ADAMTS12: variants seen among roughly 807,000 people sequenced by gnomAD.
ADAMTS12 encodes the protein ADAM metallopeptidase with thrombospondin type 1 motif 12, also known as A disintegrin and metalloproteinase with thrombospondin motifs 12.
In ADAMTS12, 118 loss-of-function variants were observed where a neutral mutation model predicts 167.8. The observed-to-expected ratio is 0.70, with a 90% CI of 0.61 to 0.82. The LOEUF (loss-of-function observed/expected upper bound fraction) is 0.82, where lower values mean the gene tolerates loss of function less well. ADAMTS12 is among the 40% of genes least tolerant of loss of function. ADAMTS12 has a pLI of 0.00. For missense variants in ADAMTS12, 1,916 were observed against 1,998.8 expected (o/e 0.96, Z 0.79); for synonymous variants, 704 against 716.9 (o/e 0.98, Z 0.29).
chr5:33,553,453 T>TA lies in ADAMTS12; in HGVS notation c.4126-4071_4126-4070insT, dbSNP rs545650313. On this transcript the variant is annotated intron_variant, in intron 20 of 23. Coordinates refer to ENST00000504830, the MANE Select transcript of ADAMTS12 (RefSeq NM_030955.4). ...GGCACTATTCACAATAGCAAAGACA[T>TA]GGAATCAACCTAAATGCCCATCAAT... is the stretch of plus-strand genomic sequence containing the variant. Among the ~76,000 whole-genome samples the TA allele has an allele frequency of 5.4e-3, 825 of 152,272 alleles. 4 individuals are homozygous for TA. Among genetic ancestry groups the TA allele is most frequent in the Non-Finnish European group, 7.2e-3 (493 of 68,016 alleles).
At chr5:33,645,925 T>C (rs1329382324) in intron 9 of ADAMTS12, among the ~76,000 whole-genome samples, 2 of 152,088 alleles carry the variant, frequency 1.3e-5, no homozygotes, top group East Asian at 1.9e-4. Flanking sequence ...GATAGTCTAG[T>C]AAACAAAAAC....
At position 33,595,955 on chromosome 5, in the gene ADAMTS12, T is replaced by C. The variant is rs1747904351; in HGVS notation, c.2633A>G (p.His878Arg). 1 of 1,614,054 alleles carries C rather than the reference T, an allele frequency of 6.2e-7. No individual in the cohort carries two copies. The highest frequency in any genetic ancestry group is 8.5e-7 in the Non-Finnish European group (1 of 1,179,980). The change falls in exon 17 of 24, where the codon CAT becomes CGT. Residue 878 changes from histidine (H) to arginine (R), a missense_variant. Coordinates refer to ENST00000504830, the MANE Select transcript of ADAMTS12 (RefSeq NM_030955.4). ...TQPNGRQKKC[H>R]EKACPPRWWA... ...TTACCTGGGTGGACAAGCCTTTTCA[T>C]GGCACTTCTTCTGTCTCCCATTGGG...
intron 3 of ADAMTS12, among the ~76,000 whole-genome samples, chr5:33,746,580 G>T (rs191166352): frequency 2.5e-4 from 38 of 152,200 alleles, no homozygotes; most frequent in African/African-American, 9.2e-4. Context: ...AAAGAAAGAA[G>T]AAATCCTCAG....
intron 3 of ADAMTS12, among the ~76,000 whole-genome samples, chr5:33,714,494 G>C (rs527604251): frequency 6.6e-6 from 1 of 151,992 alleles, no homozygotes; most frequent in Non-Finnish European, 1.5e-5. Flanking sequence ...AGGGATGCCT[G>C]CACCCCATGT....
rs1242852492 is a variant in ADAMTS12, at chr5:33,576,517, T to C, written c.3509A>G (p.Asp1170Gly). ...GGTCCATATTACAGGATTGCTTTCA[T>C]CTTTGTCCTCAGGCTGTTCTCTTTC... ...GEEREQPEDK[D>G]ESNPVIWTKI... is the part of the protein sequence containing the mutation. Residue 1170 changes from aspartate to glycine, a missense_variant, in exon 19 of 24, where the codon GAT becomes GGT. Transcript: ENST00000504830. 6.2e-6 allele frequency: 10 copies of C among 1,612,302 alleles called. No individual in the cohort carries two copies. Among genetic ancestry groups the C allele is most frequent in the South Asian group, 4.4e-5 (4 of 90,676 alleles).
intron 22 of ADAMTS12, among the ~76,000 whole-genome samples, chr5:33,543,747 C>A (rs764327046): frequency 6.6e-6 from 1 of 152,086 alleles, no homozygotes; most frequent in Admixed American, 6.6e-5. Flanking sequence ...ATAAACAGAA[C>A]CAACAACAAA....
intron 3 of ADAMTS12, among the ~76,000 whole-genome samples, chr5:33,721,630 T>C (rs1402856704): frequency 6.6e-6 from 1 of 152,234 alleles, no homozygotes; most frequent in African/African-American, 2.4e-5. Context: ...CAGAAGATAT[T>C]GCTGAGCTGG....
intron 19 of ADAMTS12, among the ~76,000 whole-genome samples, chr5:33,572,497 C>T (rs1188557847): frequency 6.6e-6 from 1 of 150,476 alleles, no homozygotes; most frequent in African/African-American, 2.5e-5. Flanking sequence ...AAGACAAAAA[C>T]CACATGACTA....
intron 2 of ADAMTS12, among the ~76,000 whole-genome samples, chr5:33,848,527 A>T (rs1408685588): frequency 1.3e-5 from 2 of 152,188 alleles, no homozygotes; most frequent in African/African-American, 2.4e-5. Flanking sequence ...CATCATGAGA[A>T]ATGTTTCTCT....
chr5:33,617,418 G>T (rs1322256524), intron 14 of ADAMTS12, among the ~76,000 whole-genome samples: 1 of 152,088 alleles, frequency 6.6e-6, no homozygotes, highest in African/African-American at 2.4e-5. Flanking sequence ...TGTCCAGCAA[G>T]AATAATTTGC....
intron 3 of ADAMTS12, among the ~76,000 whole-genome samples, chr5:33,697,652 A>T (rs1419937133): frequency 6.6e-6 from 1 of 152,188 alleles, no homozygotes; most frequent in African/African-American, 2.4e-5. Flanking sequence ...ACCAGCTCAC[A>T]TTCCTTTCCT....
intron 2 of ADAMTS12, among the ~76,000 whole-genome samples, chr5:33,765,825 T>C (rs982272096): frequency 6.6e-6 from 1 of 152,236 alleles, no homozygotes; most frequent in African/African-American, 2.4e-5. Flanking sequence ...TGGTTATCTC[T>C]ATGTGACACA....
intron 17 of ADAMTS12, among the ~76,000 whole-genome samples, chr5:33,593,748 G>C (rs189857834): frequency 5.0e-4 from 76 of 152,248 alleles, no homozygotes; most frequent in African/African-American, 1.8e-3. Context: ...TTAAAACCTA[G>C]ATGATGGGTT....
chr5:33,875,941 TTAA>T (rs1750210489), intron 2 of ADAMTS12, among the ~76,000 whole-genome samples: 2 of 152,090 alleles, frequency 1.3e-5, no homozygotes, highest in African/African-American at 4.8e-5. Flanking sequence ...CATCTTAGGG[TTAA>T]TAAGACAGTT....
At chr5:33,542,595 T>C (rs1744761243) in intron 22 of ADAMTS12, among the ~76,000 whole-genome samples, 1 of 152,166 alleles carries the variant, frequency 6.6e-6, no homozygotes, top group Admixed American at 6.5e-5. Flanking sequence ...TATTCTAAAA[T>C]TGAACACATA....
rs774857345 is a variant in ADAMTS12 at position 33,527,340 on chromosome 5, A to G, written c.4633T>C (p.Ser1545Pro). The change falls in exon 24 of 24, where the codon TCA becomes CCA. Residue 1545 changes from serine (S) to proline (P), a missense_variant. By Grantham distance (74) the Ser-to-Pro change is moderately conservative. Coordinates refer to ENST00000504830, the MANE Select transcript of ADAMTS12 (RefSeq NM_030955.4). ...TTCAGTGTCTGGCAGAAACTGGCTG[A>G]CAGTTTGTCCTTAGTGCAAAGTAAA... ...ADLLCTKDKLSASFCQTLKAM... is the reference protein window; with the variant it reads ...ADLLCTKDKLPASFCQTLKAM... 14 of 1,614,182 alleles carry G rather than the reference A, an allele frequency of 8.7e-6. No homozygotes were observed. The highest frequency in any genetic ancestry group is 1.2e-5 in the Non-Finnish European group (14 of 1,180,022).
At chr5:33,566,600 ATTC>A (rs1746027603) in intron 19 of ADAMTS12, among the ~76,000 whole-genome samples, 1 of 152,162 alleles carries the variant, frequency 6.6e-6, no homozygotes, top group Admixed American at 6.5e-5. Flanking sequence ...CATCCTGAAT[ATTC>A]TTCTTATAGT....
chr5:33,879,947 C>A (rs1750369420), intron 2 of ADAMTS12, among the ~76,000 whole-genome samples: 1 of 152,182 alleles, frequency 6.6e-6, no homozygotes, highest in African/African-American at 2.4e-5. Context: ...AGCAAACCAG[C>A]CCTGGCACAG....
intron 2 of ADAMTS12, among the ~76,000 whole-genome samples, chr5:33,798,881 A>G (rs1456290441): frequency 6.6e-6 from 1 of 152,170 alleles, no homozygotes; most frequent in Non-Finnish European, 1.5e-5. Context: ...TCTGGGGGAC[A>G]GTTCAGTCTA....
Sources: allele counts gnomAD v4.1 joint callset (sites outside exome capture counted in the v4.1 genomes callset), GRCh38; gene constraint gnomAD v4.1.1; transcripts MANE v1.5; gene names NCBI Gene and HGNC (gene_info 2026-07-23, HGNC 2026-07-21).